Variants in STAU1 observed in about 807,000 individuals in gnomAD.
STAU1 encodes the protein double-stranded RNA-binding protein Staufen homolog 1.
STAU1 carries 13 observed loss-of-function variants against 62.9 expected under a neutral mutation model. The observed-to-expected ratio is 0.21, with a 90% CI of 0.13 to 0.33. STAU1 has a LOEUF of 0.33. Among genes scored for constraint, STAU1 ranks in the 10% least tolerant of loss-of-function variants. The probability of loss-of-function intolerance (pLI) is 1.00; values close to 1 mark genes in which losing one functional copy is unlikely to be tolerated. For synonymous variants in STAU1, 269 were observed against 265.1 expected (o/e 1.01, Z -0.14); for missense variants, 571 against 712.1 (o/e 0.80, Z 2.25).
At position 49,169,372 on chromosome 20, in the gene STAU1, G is replaced by A. The variant is rs557469086; in HGVS notation, c.-84-3087C>T. ...CCACATAACTCAAGGAACAAATTAAGTTTTTCATTACTGATATAGATATAG... is the reference window on the plus strand; with the variant it reads ...CCACATAACTCAAGGAACAAATTAAATTTTTCATTACTGATATAGATATAG... On this transcript the variant is annotated intron_variant, in intron 2 of 13. Coordinates refer to ENST00000371856, the MANE Select transcript of STAU1 (RefSeq NM_017453.4). Among the ~76,000 whole-genome samples the A allele has an allele frequency of 5.9e-5, 9 of 152,214 alleles. 1 individual carries two copies. In the South Asian group the frequency reaches 1.7e-3, roughly 28 times the overall value.
the STAU1 span, among the ~76,000 whole-genome samples, chr20:49,217,473 A>C: frequency 6.6e-6 from 1 of 152,104 alleles, no homozygotes; most frequent in African/African-American, 2.4e-5. Flanking sequence ...AAGAACCAAG[A>C]ACAAAAACTT....
the STAU1 span, among the ~76,000 whole-genome samples, chr20:49,206,956 A>C: frequency 6.6e-6 from 1 of 151,346 alleles, no homozygotes; most frequent in East Asian, 1.9e-4. Context: ...GGGTTTCACC[A>C]TGTTGGCCAG....
intron 2 of STAU1, among the ~76,000 whole-genome samples, 169 bp downstream of exon 2, chr20:49,174,022 GTACT>G (rs2093629470): frequency 6.6e-6 from 1 of 152,080 alleles, no homozygotes; most frequent in South Asian, 2.1e-4. Context: ...AACTTTTCCT[GTACT>G]TACTTTCTAA....
At chr20:49,154,200 T>A in intron 3 of STAU1, 129 bp from the exon 4 acceptor site, 1 of 910,848 alleles carries the variant, frequency 1.1e-6, no homozygotes, top group Non-Finnish European at 1.6e-6. Context: ...CCTGGGTGGC[T>A]CACTGCTAGG....
Position 49,134,197 on chromosome 20 carries a change from C to T in STAU1, c.609+1636G>A, listed in dbSNP as rs554254365. 3.3e-5 allele frequency among the ~76,000 whole-genome samples: 5 copies of T among 151,964 alleles called. No homozygotes were observed. The South Asian group carries it at 6.2e-4, about 19-fold the overall frequency. Reference sequence around the variant, plus strand: ...CTGTAATCCCAGCACTTTGGGAGGCCGAGATGGGTGGATCACCTGAGGTTA... The same window carrying T: ...CTGTAATCCCAGCACTTTGGGAGGCTGAGATGGGTGGATCACCTGAGGTTA... On this transcript the variant is annotated intron_variant, in intron 6 of 13. Coordinates refer to ENST00000371856, the MANE Select transcript of STAU1 (RefSeq NM_017453.4).
At chr20:49,116,121 A>G (rs1480528842) in intron 12 of STAU1, among the ~76,000 whole-genome samples, 1 of 152,214 alleles carries the variant, frequency 6.6e-6, no homozygotes, top group Admixed American at 6.5e-5. Flanking sequence ...TGTGGTAACC[A>G]GACTGTATAA....
the STAU1 span, among the ~76,000 whole-genome samples, chr20:49,196,784 G>GA: frequency 2.2e-3 from 326 of 145,206 alleles, 1 homozygote; most frequent in African/African-American, 7.8e-3. Flanking sequence ...AGGAAAAAAA[G>GA]AAAAAAAAAA....
intron 3 of STAU1, among the ~76,000 whole-genome samples, chr20:49,155,593 A>G (rs2093344690): frequency 1.3e-5 from 2 of 152,216 alleles, no homozygotes; most frequent in African/African-American, 4.8e-5. Flanking sequence ...GAGAGAAATA[A>G]AAAAGACCTG....
the STAU1 span, among the ~76,000 whole-genome samples, chr20:49,218,072 A>G: frequency 6.7e-6 from 1 of 149,448 alleles, no homozygotes; most frequent in South Asian, 2.1e-4. Flanking sequence ...ACGGAGTTTC[A>G]CCATGTTGGT....
chr20:49,191,143 T>G (rs1203349082), upstream of STAU1, among the ~76,000 whole-genome samples: 4 of 152,102 alleles, frequency 2.6e-5, no homozygotes, highest in East Asian at 7.7e-4. Context: ...TTCTCCTGCC[T>G]CAGCCTCCCG....
upstream of STAU1, among the ~76,000 whole-genome samples, chr20:49,191,410 G>A (rs190167671): frequency 3.3e-5 from 5 of 152,140 alleles, no homozygotes; most frequent in Admixed American, 6.6e-5. Flanking sequence ...TATCTATTAG[G>A]CTAGAACTAA....
At chr20:49,174,444 CAT>C (rs1464502812) in intron 1 of STAU1, among the ~76,000 whole-genome samples, 175 bp from the exon 2 acceptor site, 1 of 152,194 alleles carries the variant, frequency 6.6e-6, no homozygotes, top group Non-Finnish European at 1.5e-5. Context: ...AGCGGCCAGA[CAT>C]GGTGGCTCAT....
chr20:49,156,116 G>T (rs1304237391), intron 3 of STAU1, among the ~76,000 whole-genome samples: 2 of 152,086 alleles, frequency 1.3e-5, no homozygotes, highest in Non-Finnish European at 2.9e-5. Context: ...TAATAACTAA[G>T]AGACATACAA....
chr20:49,182,053 T>A (rs994838119), intron 1 of STAU1, among the ~76,000 whole-genome samples: 2 of 152,224 alleles, frequency 1.3e-5, no homozygotes, highest in Non-Finnish European at 2.9e-5. Flanking sequence ...AGAAGACTAA[T>A]TTTTAATCGA....
chr20:49,153,712 A>C (rs2093303512), intron 4 of STAU1, among the ~76,000 whole-genome samples: 4 of 7,040 alleles, frequency 5.7e-4, no homozygotes, highest in Admixed American at 3.7e-3. Flanking sequence ...CTCTGTCTCA[A>C]AAAAAAAAAA....
At chr20:49,175,573 G>A (rs536980535) in intron 1 of STAU1, among the ~76,000 whole-genome samples, 15 of 151,896 alleles carry the variant, frequency 9.9e-5, no homozygotes, top group Middle Eastern at 3.4e-3. Flanking sequence ...TCCGCCTCCC[G>A]GGTTCAAGCA....
chr20:49,131,229 G>A (rs1600661139), intron 6 of STAU1, among the ~76,000 whole-genome samples: 1 of 152,326 alleles, frequency 6.6e-6, no homozygotes, highest in East Asian at 1.9e-4. Context: ...AGATACTAAA[G>A]ATACTGCAGA....
chr20:49,116,083 A>G (rs562451714), intron 12 of STAU1, among the ~76,000 whole-genome samples: 1 of 152,364 alleles, frequency 6.6e-6, no homozygotes, highest in African/African-American at 2.4e-5. Context: ...TGAAAATGTT[A>G]TATTTTTCCT....
chr20:49,131,178 T>G (rs2092740075), intron 6 of STAU1, among the ~76,000 whole-genome samples: 1 of 152,252 alleles, frequency 6.6e-6, no homozygotes, highest in South Asian at 2.1e-4. Context: ...TTTAAACATG[T>G]CAATGTCATG....
Sources: allele counts gnomAD v4.1 joint callset (sites outside exome capture counted in the v4.1 genomes callset), GRCh38; gene constraint gnomAD v4.1.1; transcripts MANE v1.5; gene names NCBI Gene and HGNC (gene_info 2026-07-23, HGNC 2026-07-21).